Variants in MAP3K7 observed in about 807,000 individuals in gnomAD.
MAP3K7 encodes the protein mitogen-activated protein kinase kinase kinase 7, also known as TGF-beta activated kinase 1.
In MAP3K7, 21 loss-of-function variants were observed where a neutral mutation model predicts 84.8. The observed-to-expected ratio is 0.25, with a 90% CI of 0.18 to 0.36. The LOEUF (loss-of-function observed/expected upper bound fraction) is 0.36. MAP3K7 is among the 10% of genes least tolerant of loss of function. The probability of loss-of-function intolerance (pLI) is 1.00; values close to 1 mark genes in which losing one functional copy is unlikely to be tolerated. For synonymous variants in MAP3K7, 241 were observed against 247.7 expected (o/e 0.97, Z 0.25); for missense variants, 503 against 747.7 (o/e 0.67, Z 3.82).
intron 13 of MAP3K7, among the ~76,000 whole-genome samples, chr6:90,524,408 T>C (rs1376800173): frequency 6.6e-6 from 1 of 151,962 alleles, no homozygotes; most frequent in Non-Finnish European, 1.5e-5. Context: ...GCATAAGAAA[T>C]AGGAGGAAGC....
chr6:90,585,457 G>A (rs1457184318), intron 1 of MAP3K7, among the ~76,000 whole-genome samples: 5 of 152,088 alleles, frequency 3.3e-5, no homozygotes, highest in South Asian at 4.1e-4. Context: ...GACATAACTC[G>A]TTGACAATCT....
chr6:90,521,021 C>T (rs184464270), intron 14 of MAP3K7, among the ~76,000 whole-genome samples: 1 of 152,092 alleles, frequency 6.6e-6, no homozygotes, highest in East Asian at 1.9e-4. Context: ...AAGCTTAATA[C>T]ATCAGTGTTG....
chr6:90,570,572 G>A (rs1776868677), intron 2 of MAP3K7, among the ~76,000 whole-genome samples: 1 of 152,152 alleles, frequency 6.6e-6, no homozygotes. Flanking sequence ...TGAGCTCAAA[G>A]TAGTTGTCTT....
At chr6:90,562,395 G>C (rs984290201) in intron 3 of MAP3K7, among the ~76,000 whole-genome samples, 8 of 152,216 alleles carry the variant, frequency 5.3e-5, no homozygotes, top group African/African-American at 2.4e-5. Context: ...CTTTTCCAAC[G>C]GTCTTAGCAA....
At chr6:90,526,907 T>G (rs977188875) in intron 13 of MAP3K7, among the ~76,000 whole-genome samples, 4 of 151,964 alleles carry the variant, frequency 2.6e-5, no homozygotes, top group Admixed American at 1.3e-4. Flanking sequence ...AAAATCAATA[T>G]GTAAGGACAG....
intron 8 of MAP3K7, 43 bp from the exon 9 acceptor site, chr6:90,550,592 A>G (rs1582200894): frequency 3.2e-6 from 4 of 1,239,602 alleles, no homozygotes; most frequent in Admixed American, 1.9e-5. Flanking sequence ...TTTCCTTAAT[A>G]CAAATTAAAT....
At chr6:90,586,099 C>A (rs282068) in intron 1 of MAP3K7, among the ~76,000 whole-genome samples, 5 of 151,880 alleles carry the variant, frequency 3.3e-5, no homozygotes, top group Admixed American at 2.0e-4. Flanking sequence ...CCGGCCGGGC[C>A]CGGTGGCTCA....
chr6:90,530,400 T>C (rs1421801926), intron 13 of MAP3K7, among the ~76,000 whole-genome samples: 1 of 152,198 alleles, frequency 6.6e-6, no homozygotes, highest in African/African-American at 2.4e-5. Flanking sequence ...ATAGGAATTT[T>C]ATAGTACTCC....
At chr6:90,537,875 A>G (rs1273035923) in intron 12 of MAP3K7, among the ~76,000 whole-genome samples, 3 of 151,966 alleles carry the variant, frequency 2.0e-5, no homozygotes, top group Non-Finnish European at 2.9e-5. Context: ...CAGGCTTGTA[A>G]AAGTGTCTGG....
intron 12 of MAP3K7, 73 bp downstream of exon 12, chr6:90,544,479 A>G: frequency 7.6e-7 from 1 of 1,323,208 alleles, no homozygotes. Context: ...TGGAGCAAGA[A>G]GCATTTTACA....
chr6:90,584,691 GGTT>G (rs1324894382), intron 1 of MAP3K7, among the ~76,000 whole-genome samples: 1 of 152,120 alleles, frequency 6.6e-6, no homozygotes, highest in African/African-American at 2.4e-5. Context: ...CAAAAACTAA[GGTT>G]GTAAGAACCA....
Position 90,556,618 on chromosome 6 carries a change from C to T in MAP3K7, c.489G>A (p.Leu163=). The T allele has an allele frequency of 6.3e-7, 1 of 1,577,302 alleles. No individual in the cohort carries two copies. The change falls in exon 6 of 17, where the codon CTG becomes CTA. Residue 163 remains leucine (L), a synonymous_variant. Transcript: ENST00000369329. The part of the protein sequence containing the change: ...IHRDLKPPNL[L]LVAGGTVLKI... ...TTAGAACTGTCCCCCCTGCAACCAG[C>T]AGTAAGCTGTTTAAAAAAAAACAAA...
chr6:90,552,936 G>T (rs899559396), intron 7 of MAP3K7, among the ~76,000 whole-genome samples: 11 of 152,056 alleles, frequency 7.2e-5, no homozygotes, highest in African/African-American at 2.7e-4. Context: ...AACCTCTCTA[G>T]GCCTCAGTTT....
chr6:90,561,596 A>G, intron 4 of MAP3K7, 26 bp downstream of exon 4: 1 of 1,561,124 alleles, frequency 6.4e-7, no homozygotes, highest in East Asian at 2.2e-5. Flanking sequence ...AATCCACTAG[A>G]TAAAGACAGG....
intron 1 of MAP3K7, among the ~76,000 whole-genome samples, chr6:90,575,079 T>C (rs1295143491): frequency 1.3e-5 from 2 of 152,186 alleles, no homozygotes; most frequent in African/African-American, 2.4e-5. Context: ...AGTGAGATTA[T>C]AAGCACAGTC....
chr6:90,570,745 T>C (rs1776874177), intron 2 of MAP3K7, among the ~76,000 whole-genome samples: 1 of 152,238 alleles, frequency 6.6e-6, no homozygotes, highest in Non-Finnish European at 1.5e-5. Context: ...TGATTCCTAA[T>C]GTTTAACACA....
At chr6:90,577,456 T>C (rs1777124109) in intron 1 of MAP3K7, among the ~76,000 whole-genome samples, 1 of 152,076 alleles carries the variant, frequency 6.6e-6, no homozygotes, top group Non-Finnish European at 1.5e-5. Flanking sequence ...ATGTAGTCAG[T>C]TTTTCTAGTC....
At chr6:90,582,072 T>C (rs1182424917) in intron 1 of MAP3K7, among the ~76,000 whole-genome samples, 1 of 152,230 alleles carries the variant, frequency 6.6e-6, no homozygotes, top group African/African-American at 2.4e-5. Context: ...GTCTCCCTTT[T>C]CAAAAGCAAC....
At chr6:90,528,905 C>T (rs1229429424) in intron 13 of MAP3K7, among the ~76,000 whole-genome samples, 1 of 152,190 alleles carries the variant, frequency 6.6e-6, no homozygotes, top group Non-Finnish European at 1.5e-5. Flanking sequence ...AGCTTTTCTA[C>T]ACCATAACCA....
Sources: gnomAD v4.1 joint callset for allele counts (sites outside exome capture counted in the v4.1 genomes callset) on GRCh38, gnomAD v4.1.1 for gene constraint, MANE v1.5 for transcripts, NCBI Gene and HGNC (gene_info 2026-07-23, HGNC 2026-07-21) for gene names.